CUL5: variants seen among roughly 807,000 people sequenced by gnomAD.
CUL5 encodes cullin-5.
Under a neutral mutation model 108.8 loss-of-function variants are expected in CUL5, and 26 were observed. That is an observed-to-expected ratio of 0.24 (90% CI 0.18 to 0.33). The LOEUF is 0.33. CUL5 is among the 10% of genes least tolerant of loss of function. CUL5 has a pLI of 1.00. For missense variants in CUL5, 524 were observed against 909.2 expected (o/e 0.58, Z 5.45); for synonymous variants, 334 against 298.0 (o/e 1.12, Z -1.25).
intron 1 of CUL5, among the ~76,000 whole-genome samples, chr11:108,029,321 A>T (rs776493893): frequency 6.6e-6 from 1 of 152,220 alleles, no homozygotes; most frequent in Non-Finnish European, 1.5e-5. Context: ...GGAGTGAAGG[A>T]TAGAGGGGCA....
chr11:108,088,690 A>C, intron 12 of CUL5, 31 bp downstream of exon 12: 2 of 1,530,318 alleles, frequency 1.3e-6, no homozygotes, highest in Non-Finnish European at 1.8e-6. Flanking sequence ...TCAACTTTTA[A>C]AATTACCTTA....
Position 108,104,334 on chromosome 11 carries a change from T to C in CUL5, c.2293T>C (p.Tyr765His). ...EQIEWLIEHK[Y>H]IRRDESDINT... ...AATAGAGTGGCTAATAGAGCACAAATACATCAGAAGAGATGAATCTGATAT... is the reference window on the plus strand; with the variant it reads ...AATAGAGTGGCTAATAGAGCACAAACACATCAGAAGAGATGAATCTGATAT... The change falls in exon 19 of 19, where the codon TAC (tyrosine) becomes CAC (histidine). Residue 765 changes from tyrosine to histidine, a missense_variant. Physicochemically the swap from Tyr to His is moderately conservative, Grantham distance 83. Transcript: ENST00000393094. 6.3e-7 allele frequency: 1 copy of C among 1,599,770 alleles called. No individual in the cohort carries two copies. The highest frequency in any genetic ancestry group is 8.5e-7 in the Non-Finnish European group (1 of 1,175,840).
At chr11:108,047,248 T>C (rs1490907077) in intron 3 of CUL5, among the ~76,000 whole-genome samples, 2 of 152,036 alleles carry the variant, frequency 1.3e-5, no homozygotes, top group Non-Finnish European at 1.5e-5. Flanking sequence ...GCCTGGAAGA[T>C]TGAGGCTGCC....
chr11:108,068,085 C>T (rs753448632), intron 7 of CUL5, among the ~76,000 whole-genome samples: 19 of 151,912 alleles, frequency 1.3e-4, no homozygotes, highest in Admixed American at 2.6e-4. Flanking sequence ...CCCACCATGC[C>T]CGGCTAATTT....
chr11:108,054,835 T>C, intron 6 of CUL5, 40 bp from the exon 7 acceptor site: 1 of 1,601,838 alleles, frequency 6.2e-7, no homozygotes, highest in Non-Finnish European at 8.5e-7. Context: ...AGCAATTCCC[T>C]TGATATTCTT....
chr11:108,057,480 G>A (rs11603079), intron 7 of CUL5, among the ~76,000 whole-genome samples: 20,175 of 152,090 alleles, frequency 0.13, 1,442 homozygotes, highest in African/African-American at 0.18. Flanking sequence ...GACATACCCC[G>A]TGATATGATG....
intron 1 of CUL5, among the ~76,000 whole-genome samples, chr11:108,024,541 AGATAT>A (rs1292376136): frequency 6.6e-6 from 1 of 152,254 alleles, no homozygotes; most frequent in African/African-American, 2.4e-5. Context: ...TGTAACAGTC[AGATAT>A]TATAAAGTAA....
chr11:108,020,590 C>T (rs1228278742), intron 1 of CUL5, among the ~76,000 whole-genome samples: 2 of 151,538 alleles, frequency 1.3e-5, no homozygotes, highest in Non-Finnish European at 1.5e-5. Flanking sequence ...CCACGTTGCC[C>T]AGGCTGGTCT....
In CUL5 at chr11:108,094,999, G is replaced by A. The variant is rs1281504265; in HGVS notation, c.1743+12G>A. Reference sequence around the variant, plus strand: ...TGTCAAATGGAATTGTAAGTAGATAGTGTGTTAGTTATTTCAGCTTTCAGT... The same window carrying A: ...TGTCAAATGGAATTGTAAGTAGATAATGTGTTAGTTATTTCAGCTTTCAGT... On this transcript the variant is annotated intron_variant, in intron 15 of 18. Coordinates refer to ENST00000393094, the MANE Select transcript of CUL5 (RefSeq NM_003478.6). 6.3e-7 allele frequency: 1 copy of A among 1,595,074 alleles called. No homozygotes were observed. Among genetic ancestry groups the A allele is most frequent in the Non-Finnish European group, 8.6e-7 (1 of 1,169,568 alleles).
At chr11:108,079,260 T>C (rs1176592000) in intron 11 of CUL5, among the ~76,000 whole-genome samples, 2 of 152,080 alleles carry the variant, frequency 1.3e-5, no homozygotes, top group East Asian at 1.9e-4. Context: ...CACACCACCA[T>C]GCCTGGCTAA....
intron 1 of CUL5, among the ~76,000 whole-genome samples, chr11:108,021,592 C>G (rs552524297): frequency 6.6e-6 from 1 of 152,226 alleles, no homozygotes; most frequent in South Asian, 2.1e-4. Flanking sequence ...TTAAGCAGTG[C>G]TCTTGCCTCA....
At chr11:108,054,581 A>G (rs1863325554) in intron 5 of CUL5, 66 bp from the exon 6 acceptor site, 1 of 1,149,866 alleles carries the variant, frequency 8.7e-7, no homozygotes, top group Admixed American at 2.6e-5. Context: ...TATTTATTTC[A>G]TTTATTATAC....
intron 14 of CUL5, 122 bp from the exon 15 acceptor site, chr11:108,094,690 A>G: frequency 1.1e-6 from 1 of 898,056 alleles, no homozygotes; most frequent in Non-Finnish European, 1.6e-6. Flanking sequence ...TTTCAAAACA[A>G]AAGGACACTT....
intron 1 of CUL5, among the ~76,000 whole-genome samples, chr11:108,027,691 A>G (rs1862485367): frequency 6.6e-6 from 1 of 152,082 alleles, no homozygotes; most frequent in Admixed American, 6.5e-5. Flanking sequence ...ACAAGCATGA[A>G]CTATTGCGCC....
intron 11 of CUL5, among the ~76,000 whole-genome samples, chr11:108,084,735 T>C (rs116044255): frequency 0.014 from 2,075 of 152,308 alleles, 46 homozygotes; most frequent in African/African-American, 0.047. Flanking sequence ...AGGACTTTAA[T>C]TAATTAAGAT....
chr11:108,102,772 T>C (rs1341243337), intron 18 of CUL5, among the ~76,000 whole-genome samples: 2 of 152,194 alleles, frequency 1.3e-5, no homozygotes, highest in East Asian at 1.9e-4. Flanking sequence ...TTTTGACATT[T>C]CTTTTACAAC....
At chr11:108,066,794 A>G (rs1031348004) in intron 7 of CUL5, among the ~76,000 whole-genome samples, 2 of 152,236 alleles carry the variant, frequency 1.3e-5, no homozygotes, top group African/African-American at 2.4e-5. Context: ...ATAGTATAGT[A>G]ATGATGCATT....
intron 2 of CUL5, among the ~76,000 whole-genome samples, chr11:108,034,175 G>A (rs1862666912): frequency 6.6e-6 from 1 of 152,150 alleles, no homozygotes; most frequent in African/African-American, 2.4e-5. Context: ...AAGGTACATG[G>A]GGTGAAGTGC....
chr11:108,051,474 A>T (rs1332955345), intron 4 of CUL5, among the ~76,000 whole-genome samples: 1 of 152,246 alleles, frequency 6.6e-6, no homozygotes, highest in Non-Finnish European at 1.5e-5. Context: ...TATCAAGATT[A>T]TGAGGATTAA....
Sources: gnomAD v4.1 joint callset for allele counts (sites outside exome capture counted in the v4.1 genomes callset) on GRCh38, gnomAD v4.1.1 for gene constraint, MANE v1.5 for transcripts, NCBI Gene and HGNC (gene_info 2026-07-23, HGNC 2026-07-21) for gene names.